NUDT5: variants seen among roughly 807,000 people sequenced by gnomAD.
NUDT5 encodes the protein ADP-sugar pyrophosphatase.
A neutral mutation model predicts 34.1 loss-of-function variants in NUDT5; 21 were observed. The observed-to-expected ratio is 0.62, with a 90% CI of 0.44 to 0.89. The LOEUF (loss-of-function observed/expected upper bound fraction) is 0.89, where lower values mean the gene tolerates loss of function less well. Among genes scored for constraint, NUDT5 ranks in the 40% least tolerant of loss-of-function variants. NUDT5 has a pLI of 0.00. For synonymous variants in NUDT5, 85 were observed against 97.6 expected (o/e 0.87, Z 0.76); for missense variants, 249 against 274.8 (o/e 0.91, Z 0.66).
At chr10:12,179,871 A>G (rs1047205530) in intron 3 of NUDT5, among the ~76,000 whole-genome samples, 24 of 152,216 alleles carry the variant, frequency 1.6e-4, no homozygotes, top group African/African-American at 5.8e-4. Context: ...TACTGACACA[A>G]TTATGCAGTT....
intron 1 of NUDT5, among the ~76,000 whole-genome samples, chr10:12,188,728 T>TTA (rs1554803846): frequency 1.3e-5 from 1 of 74,692 alleles, no homozygotes; most frequent in Non-Finnish European, 2.3e-5. Flanking sequence ...AGACTCCATC[T>TTA]AAAAAAAAAA....
chr10:12,171,109 A>T lies in NUDT5; in HGVS notation c.488-201T>A, dbSNP rs1834843331. ...AATGTTAAGTAGCAAAATTTAAAGC[A>T]TATTCGATAGTATGTATATTTTTAT... On this transcript the variant is annotated intron_variant, in intron 7 of 9. Coordinates refer to ENST00000491614, the MANE Select transcript of NUDT5 (RefSeq NM_014142.4). This position sits in a 1 kb window ranked among gnomAD's most constrained non-coding sequence, Gnocchi z 4.2. Among the ~76,000 whole-genome samples, 1 of 152,248 alleles carries T rather than the reference A, an allele frequency of 6.6e-6. No homozygotes were observed. Among genetic ancestry groups the T allele is most frequent in the African/African-American group, 2.4e-5 (1 of 41,454 alleles).
chr10:12,168,303 C>A lies in NUDT5; in HGVS notation c.551-492G>T, dbSNP rs1000443631. On this transcript the variant is annotated intron_variant, in intron 9 of 9. Coordinates refer to ENST00000491614, the MANE Select transcript of NUDT5 (RefSeq NM_014142.4). This position sits in a 1 kb window ranked among gnomAD's most constrained non-coding sequence, Gnocchi z 4.8. The stretch of plus-strand genomic sequence containing the variant: ...CCTCCCAAAGTGCTGGGATTACAGG[C>A]GTGAGCTACCGCACCCAGCCAGGGA... 6.6e-6 allele frequency among the ~76,000 whole-genome samples: 1 copy of A among 152,158 alleles called. No individual in the cohort carries two copies. The highest frequency in any genetic ancestry group is 1.5e-5 in the Non-Finnish European group (1 of 68,024).
rs1167988816 is a variant in NUDT5 at position 12,167,173 on chromosome 10, T to A, written c.*529A>T. 2 of 159,418 alleles carry A rather than the reference T, an allele frequency of 1.3e-5. No homozygotes were observed. The highest frequency in any genetic ancestry group is 4.8e-5 in the African/African-American group (2 of 41,476). The allele number at this position is 159,418 out of a possible 1,614,324, so 9.9% of individuals were successfully genotyped here. A position where few individuals can be genotyped will look rare whatever the true frequency, so the allele number is the denominator to read the frequency against. ...TGAACTGAAAACTAGTAGAGGATTC[T>A]ATCGAACCCTACCCTAGTTGGATTC... On this transcript the variant is annotated 3_prime_UTR_variant, in exon 10 of 10. Transcript: ENST00000491614.
Position 12,181,863 on chromosome 10 carries a change from A to T in NUDT5, c.132-2731T>A, listed in dbSNP as rs1835048102. Among the ~76,000 whole-genome samples, 1 of 151,876 alleles carries T rather than the reference A, an allele frequency of 6.6e-6. No homozygotes were observed. The highest frequency in any genetic ancestry group is 2.4e-5 in the African/African-American group (1 of 41,332). On this transcript the variant is annotated intron_variant, in intron 3 of 9. Transcript: ENST00000491614. The surrounding 1 kb of genome is among the most constrained non-coding windows in gnomAD (Gnocchi z 5.0). Reference sequence around the variant, plus strand: ...ATTTAAAAAAAAAGGATATGGCCGGATGCGGTGGCTCACGACTGTAGTCCT... The same window carrying T: ...ATTTAAAAAAAAAGGATATGGCCGGTTGCGGTGGCTCACGACTGTAGTCCT...
At chr10:12,178,006 T>G in intron 4 of NUDT5, 106 bp from the exon 5 acceptor site, 1 of 707,202 alleles carries the variant, frequency 1.4e-6, no homozygotes, top group Non-Finnish European at 2.4e-6. Context: ...AGAAACTCCG[T>G]TTTAATCTAC....
chr10:12,170,659 G>A lies in NUDT5; in HGVS notation c.550+58C>T. ...TGGAGTTATATTTAGTACCCAGTTT[G>A]CTGGGATGGGGACGGGGAGAACTGG... On this transcript the variant is annotated intron_variant, in intron 9 of 9. Transcript: ENST00000491614. This position sits in a 1 kb window ranked among gnomAD's most constrained non-coding sequence, Gnocchi z 4.9. 6.8e-7 allele frequency: 1 copy of A among 1,475,570 alleles called. No homozygotes were observed. Among genetic ancestry groups the A allele is most frequent in the South Asian group, 1.1e-5 (1 of 88,214 alleles). 91.4% of individuals were successfully genotyped at this position (1,475,570 alleles called of 1,614,324 possible).
rs1835112483 is a variant in NUDT5, at chr10:12,185,536, A to C, written c.64-580T>G. On this transcript the variant is annotated intron_variant, in intron 2 of 9. Coordinates refer to ENST00000491614, the MANE Select transcript of NUDT5 (RefSeq NM_014142.4). ...TGGGGAGTTCTGGTGTTGGAGACTA[A>C]CTTACCTACGGCACTATACTGAACT... is the stretch of plus-strand genomic sequence containing the variant. 2.0e-5 allele frequency among the ~76,000 whole-genome samples: 3 copies of C among 152,230 alleles called. No homozygotes were observed. In the South Asian group the frequency reaches 6.2e-4, roughly 32 times the overall value.
rs1834833969 is a variant in NUDT5, at chr10:12,170,583, T to G, written c.550+134A>C. 1 of 875,768 alleles carries G rather than the reference T, an allele frequency of 1.1e-6. No homozygotes were observed. Among genetic ancestry groups the G allele is most frequent in the East Asian group, 2.4e-5 (1 of 41,300 alleles). 54.2% of individuals were successfully genotyped at this position (875,768 alleles called of 1,614,324 possible). Reference sequence around the variant, plus strand: ...AAAATTAGTAGTGGTCACCTGCAGTTTTACAAGTTGCTAGGCATTTGACTT... The same window carrying G: ...AAAATTAGTAGTGGTCACCTGCAGTGTTACAAGTTGCTAGGCATTTGACTT... On this transcript the variant is annotated intron_variant, in intron 9 of 9. Coordinates refer to ENST00000491614, the MANE Select transcript of NUDT5 (RefSeq NM_014142.4). This position sits in a 1 kb window ranked among gnomAD's most constrained non-coding sequence, Gnocchi z 4.9.
intron 1 of NUDT5, among the ~76,000 whole-genome samples, chr10:12,193,005 T>G (rs1835261264): frequency 1.3e-5 from 1 of 74,626 alleles, no homozygotes; most frequent in Admixed American, 1.2e-4. Context: ...TAACGTTTAC[T>G]GAAATTATGC....
intron 2 of NUDT5, 49 bp from the exon 3 acceptor site, chr10:12,185,005 T>G (rs2131712828): frequency 9.9e-7 from 1 of 1,005,376 alleles, no homozygotes; most frequent in Non-Finnish European, 1.6e-6. Flanking sequence ...ACCAAGTTGT[T>G]TTTATCTAAA....
intron 5 of NUDT5, among the ~76,000 whole-genome samples, chr10:12,176,480 T>C (rs1834951921): frequency 1.3e-5 from 2 of 151,612 alleles, no homozygotes; most frequent in South Asian, 4.2e-4. Flanking sequence ...GGCTCATGCC[T>C]ATAATCCCAG....
intron 9 of NUDT5, 125 bp from the exon 10 acceptor site, chr10:12,167,936 C>T (rs888260908): frequency 1.8e-5 from 26 of 1,427,108 alleles, no homozygotes; most frequent in African/African-American, 3.2e-5. Flanking sequence ...CTGGTGATAA[C>T]GTTTTTTTTG....
intron 5 of NUDT5, among the ~76,000 whole-genome samples, chr10:12,174,515 G>C (rs1834918355): frequency 6.6e-6 from 1 of 151,828 alleles, no homozygotes; most frequent in African/African-American, 2.4e-5. Flanking sequence ...GGCCTCAAGT[G>C]ATTCACCCGC....
intron 1 of NUDT5, among the ~76,000 whole-genome samples, chr10:12,186,945 A>G (rs928295082): frequency 4.6e-5 from 7 of 151,498 alleles, no homozygotes; most frequent in Admixed American, 4.6e-4. Flanking sequence ...CTGACTCCGA[A>G]TCTTAAACTC....
rs1834862391 is a variant in NUDT5 at position 12,171,801 on chromosome 10, T to C, written c.488-893A>G. On this transcript the variant is annotated intron_variant, in intron 7 of 9. Coordinates refer to ENST00000491614, the MANE Select transcript of NUDT5 (RefSeq NM_014142.4). This position sits in a 1 kb window ranked among gnomAD's most constrained non-coding sequence, Gnocchi z 4.2. The stretch of plus-strand genomic sequence containing the variant: ...GTGCAGTGGTGTGATCTTGACTCAC[T>C]GCAACCTCCGCCTCCTGGGTTCAAG... Among the ~76,000 whole-genome samples, 1 of 151,888 alleles carries C rather than the reference T, an allele frequency of 6.6e-6. No individual in the cohort carries two copies. Among genetic ancestry groups the C allele is most frequent in the African/African-American group, 2.4e-5 (1 of 41,324 alleles).
At chr10:12,185,733 G>T (rs1042195419) in intron 2 of NUDT5, among the ~76,000 whole-genome samples, 10 of 152,228 alleles carry the variant, frequency 6.6e-5, no homozygotes, top group African/African-American at 2.4e-4. Flanking sequence ...GATCCAAGAT[G>T]AAGGATTTAA....
rs1834729457 is a variant in NUDT5, at chr10:12,167,429, G to A, written c.*273C>T. ...CAGACTGGACTAGAAAAGTAACTGAGCTGTAGTTAACTGCTGTTGAGCTTT... is the reference window on the plus strand; with the variant it reads ...CAGACTGGACTAGAAAAGTAACTGAACTGTAGTTAACTGCTGTTGAGCTTT... On this transcript the variant is annotated 3_prime_UTR_variant, in exon 10 of 10. Coordinates refer to ENST00000491614, the MANE Select transcript of NUDT5 (RefSeq NM_014142.4). 2 of 343,856 alleles carry A rather than the reference G, an allele frequency of 5.8e-6. No homozygotes were observed. Among genetic ancestry groups the A allele is most frequent in the South Asian group, 5.9e-5 (2 of 33,864 alleles). The allele number at this position is 343,856 out of a possible 1,614,324, so 21.3% of individuals were successfully genotyped here. A position where few individuals can be genotyped will look rare whatever the true frequency, so the allele number is the denominator to read the frequency against.
intron 2 of NUDT5, among the ~76,000 whole-genome samples, chr10:12,185,732 T>G (rs1292266175): frequency 3.3e-5 from 5 of 152,218 alleles, no homozygotes; most frequent in African/African-American, 1.2e-4. Flanking sequence ...AGATCCAAGA[T>G]GAAGGATTTA....
Sources: gnomAD v4.1 joint callset for allele counts (sites outside exome capture counted in the v4.1 genomes callset) on GRCh38, gnomAD v4.1.1 for gene constraint, Gnocchi (gnomAD v3.1) non-coding constraint, MANE v1.5 for transcripts, NCBI Gene and HGNC (gene_info 2026-07-23, HGNC 2026-07-21) for gene names.